The following MILR1 variants were observed in gnomAD, a reference collection of about 807,000 sequenced individuals.
The protein encoded by MILR1 is allergin-1.
MILR1 carries 31 observed loss-of-function variants against 18.5 expected under a neutral mutation model. The observed-to-expected ratio is 1.68, with a 90% confidence interval of 1.26 to 2.26. The LOEUF (loss-of-function observed/expected upper bound fraction) is 2.26, where lower values mean the gene tolerates loss of function less well. Ranked by LOEUF, MILR1 falls within the 30% of genes most tolerant of loss-of-function variation. The pLI is 0.00. For synonymous variants in MILR1, 85 were observed against 56.2 expected, an observed-to-expected ratio of 1.51 and a Z score of -2.30; for missense variants, 257 against 157.4, an observed-to-expected ratio of 1.63 and a Z score of -3.38.
the MILR1 span, chr17:64,481,245 C>A: frequency 4.1e-6 from 4 of 983,868 alleles, no homozygotes; most frequent in Non-Finnish European, 4.8e-6. Context: ...GGCTGCCATA[C>A]CCTGGGAGAA....
chr17:64,463,410 A>G (rs1340648795), intron 5 of MILR1, among the ~76,000 whole-genome samples: 4 of 152,122 alleles, frequency 2.6e-5, no homozygotes, highest in African/African-American at 7.2e-5. Flanking sequence ...ATGAAGATTT[A>G]CACAAAAGAC....
At chr17:64,494,658 G>A in the MILR1 span, among the ~76,000 whole-genome samples, 1 of 151,822 alleles carries the variant, frequency 6.6e-6, no homozygotes, top group Non-Finnish European at 1.5e-5. Context: ...AATGTGTTAT[G>A]ATCCATTACC....
At chr17:64,473,777 A>T in the MILR1 span, among the ~76,000 whole-genome samples, 3 of 152,202 alleles carry the variant, frequency 2.0e-5, no homozygotes, top group African/African-American at 7.2e-5. Context: ...CTGTCAAAAT[A>T]CAATCCAGGT....
the MILR1 span, among the ~76,000 whole-genome samples, chr17:64,491,965 A>G: frequency 7.9e-5 from 12 of 152,038 alleles, no homozygotes; most frequent in Admixed American, 7.9e-4. Flanking sequence ...AACAGACAAC[A>G]AAAATAAAAT....
Position 64,452,773 on chromosome 17 carries a change from A to AT in MILR1, c.275dup (p.Thr93HisfsTer5). 2.1e-6 allele frequency: 1 copy of AT among 475,328 alleles called. No individual in the cohort carries two copies. The highest frequency in any genetic ancestry group is 3.9e-6 in the Non-Finnish European group (1 of 259,032). 29.4% of individuals were successfully genotyped at this position (475,328 alleles called of 1,614,324 possible). ...TGAACCTGCGATTTTTAACCTAAGC[A>AT]TCACAGAAGCCCATGAATCAGGCCC... On this transcript the variant is annotated frameshift_variant, in exon 3 of 10. Transcript: ENST00000619286. LOFTEE classifies it high-confidence loss of function.
chr17:64,485,816 T>C, the MILR1 span: 1 of 1,613,428 alleles, frequency 6.2e-7, no homozygotes, highest in Admixed American at 1.7e-5. Flanking sequence ...TCGGTCTAGG[T>C]CCCCATTTAC....
chr17:64,492,787 C>T, the MILR1 span: 8 of 1,598,074 alleles, frequency 5.0e-6, no homozygotes, highest in African/African-American at 1.3e-5. Context: ...AGATATAAAA[C>T]GTATCAGGAA....
At chr17:64,471,146 A>G (rs530570541), downstream of MILR1, among the ~76,000 whole-genome samples, 1 of 152,140 alleles carries the variant, frequency 6.6e-6, no homozygotes, top group East Asian at 1.9e-4. Flanking sequence ...AGAGCCTGAA[A>G]TAAGGCCTTC....
the MILR1 span, among the ~76,000 whole-genome samples, chr17:64,477,488 A>G: frequency 6.6e-6 from 1 of 152,208 alleles, no homozygotes; most frequent in Non-Finnish European, 1.5e-5. Context: ...CAACAATGAT[A>G]AACACCAGCG....
the MILR1 span, among the ~76,000 whole-genome samples, chr17:64,490,081 C>T: frequency 6.6e-6 from 1 of 152,112 alleles, no homozygotes; most frequent in Non-Finnish European, 1.5e-5. Flanking sequence ...CAAGCCACCA[C>T]ATCCAGCTAA....
chr17:64,491,660 C>T, the MILR1 span: 1 of 1,337,546 alleles, frequency 7.5e-7, no homozygotes, highest in Non-Finnish European at 1.1e-6. Context: ...ACTGGTACTA[C>T]AACAAGTACA....
the MILR1 span, chr17:64,487,589 G>C: frequency 6.9e-6 from 1 of 145,596 alleles, no homozygotes; most frequent in Non-Finnish European, 1.5e-5. Context: ...ACTCCAGCCT[G>C]GGTGACAGAG....
At chr17:64,489,352 G>GTT in the MILR1 span, among the ~76,000 whole-genome samples, 96 of 133,574 alleles carry the variant, frequency 7.2e-4, no homozygotes, top group African/African-American at 2.0e-3. Flanking sequence ...GATGGAATTT[G>GTT]TTTTTTTTTA....
the MILR1 span, chr17:64,485,882 C>G: frequency 6.2e-7 from 1 of 1,613,634 alleles, no homozygotes; most frequent in Non-Finnish European, 8.5e-7. Flanking sequence ...CACAGAAAAA[C>G]AGAAGAAAAA....
At chr17:64,472,085 A>G (rs1360535114), downstream of MILR1, among the ~76,000 whole-genome samples, 5 of 152,228 alleles carry the variant, frequency 3.3e-5, no homozygotes, top group African/African-American at 1.2e-4. Flanking sequence ...GGTATGACTC[A>G]CAACCCAGAA....
chr17:64,484,406 A>G, the MILR1 span, among the ~76,000 whole-genome samples: 1 of 152,344 alleles, frequency 6.6e-6, no homozygotes, highest in African/African-American at 2.4e-5. Flanking sequence ...TAGCAAGGTC[A>G]GTGCTGCTGG....
At chr17:64,478,822 G>A in the MILR1 span, among the ~76,000 whole-genome samples, 3 of 151,974 alleles carry the variant, frequency 2.0e-5, no homozygotes, top group African/African-American at 4.8e-5. Context: ...GCTTGAACAC[G>A]GGAGGCAGAG....
downstream of MILR1, among the ~76,000 whole-genome samples, chr17:64,473,570 A>G (rs1280017791): frequency 6.6e-6 from 1 of 152,136 alleles, no homozygotes; most frequent in East Asian, 1.9e-4. Flanking sequence ...TGAGATCTGC[A>G]GTAGCACAGA....
the MILR1 span, chr17:64,496,773 T>G: frequency 6.2e-7 from 1 of 1,613,910 alleles, no homozygotes; most frequent in Non-Finnish European, 8.5e-7. Flanking sequence ...AGCGCCTCGC[T>G]TCCCTCTCCA....
Sources: gnomAD v4.1 joint callset for allele counts (sites outside exome capture counted in the v4.1 genomes callset) on GRCh38, gnomAD v4.1.1 for gene constraint, MANE v1.5 for transcripts, NCBI Gene and HGNC (gene_info 2026-07-23, HGNC 2026-07-21) for gene names.